Variants in ZNF212 observed in about 807,000 individuals in gnomAD.
ZNF212 encodes Zinc finger protein C2H2-150.
ZNF212 carries 32 observed loss-of-function variants against 47.3 expected under a neutral mutation model. The ratio of observed to expected loss-of-function variants is 0.68; its 90% CI spans 0.51 to 0.91. The LOEUF is 0.91. ZNF212 is among the 40% of genes least tolerant of loss of function. The probability of loss-of-function intolerance (pLI) is 0.00; values close to 1 mark genes in which losing one functional copy is unlikely to be tolerated. For synonymous variants in ZNF212, 242 were observed against 253.8 expected, an observed-to-expected ratio of 0.95 and a Z score of 0.44; for missense variants, 555 against 622.8, an observed-to-expected ratio of 0.89 and a Z score of 1.16.
Position 149,250,708 on chromosome 7 carries a change from G to A in ZNF212, c.442G>A (p.Val148Ile), listed in dbSNP as rs142824604. 4.5e-5 allele frequency: 72 copies of A among 1,614,110 alleles called. No homozygotes were observed. Among genetic ancestry groups the A allele is most frequent in the Non-Finnish European group, 5.3e-5 (62 of 1,180,054 alleles). The change falls in exon 3 of 5, where the codon GTC (valine) becomes ATC (isoleucine). Residue 148 changes from valine (V) to isoleucine (I), a missense_variant. Val to Ile is a conservative substitution (Grantham distance 29). Transcript: ENST00000335870. ...GTCCAGGTCACTGGAGAATGATGGC[G>A]TCTGTTTCACCGAGCAGGAATGGGA... ...KVSRSLENDG[V>I]CFTEQEWENL...
Position 149,252,703 on chromosome 7 carries a change from C to T in ZNF212, c.542-3C>T, listed in dbSNP as rs1370416280. ...GGCTCACACTGTGCTGTTTCCCACC[C>T]AGAGGTCCTTGGCCAGACAGAGGGA... On this transcript the variant is annotated splice_polypyrimidine_tract_variant and splice_region_variant and intron_variant, in intron 3 of 4. Coordinates refer to ENST00000335870, the MANE Select transcript of ZNF212 (RefSeq NM_012256.4). 3 of 1,613,912 alleles carry T rather than the reference C, an allele frequency of 1.9e-6. No individual in the cohort carries two copies. The highest frequency in any genetic ancestry group is 2.7e-5 in the African/African-American group (2 of 74,934).
intron 1 of ZNF212, among the ~76,000 whole-genome samples, chr7:149,249,775 G>A (rs1177402738): frequency 6.6e-6 from 1 of 152,140 alleles, no homozygotes; most frequent in Non-Finnish European, 1.5e-5. Context: ...CTACAGGCAT[G>A]CATCACCATG....
Position 149,254,185 on chromosome 7 carries a change from T to G in ZNF212, c.1258T>G (p.Trp420Gly). 1 of 1,614,252 alleles carries G rather than the reference T, an allele frequency of 6.2e-7. No individual in the cohort carries two copies. The change falls in exon 5 of 5, where the codon TGG (tryptophan) becomes GGG (glycine). Residue 420 changes from tryptophan (W) to glycine (G), a missense_variant. Physicochemically the swap from Trp to Gly is radical, Grantham distance 184. Coordinates refer to ENST00000335870, the MANE Select transcript of ZNF212 (RefSeq NM_012256.4). This position sits in a 1 kb window ranked among gnomAD's most constrained non-coding sequence, Gnocchi z 4.5. ...SLVALPGHIP[W>G]RKSRSSLICG... is the part of the protein sequence containing the mutation. ...GGTTGCCCTGCCTGGCCACATCCCT[T>G]GGAGGAAAAGCCGGAGTTCCCTCAT...
chr7:149,251,037 C>G (rs1426085742), intron 3 of ZNF212, among the ~76,000 whole-genome samples: 2 of 149,766 alleles, frequency 1.3e-5, no homozygotes, highest in East Asian at 3.9e-4. Context: ...AAGCTCGCAG[C>G]ATTGTGCCTT....
intron 4 of ZNF212, 116 bp downstream of exon 4, chr7:149,252,911 G>C: frequency 1.1e-6 from 1 of 946,070 alleles, no homozygotes; most frequent in African/African-American, 1.6e-5. Context: ...GCATCTGCTT[G>C]TTCTGGACTC....
chr7:149,251,247 C>T (rs748632252), intron 3 of ZNF212: 44 of 205,776 alleles, frequency 2.1e-4, no homozygotes, highest in Non-Finnish European at 4.1e-4. Flanking sequence ...TGCAGTGGCA[C>T]AATCTTGGCT....
chr7:149,253,139 T>G (rs894346249), intron 4 of ZNF212, among the ~76,000 whole-genome samples: 2 of 152,042 alleles, frequency 1.3e-5, no homozygotes, highest in Non-Finnish European at 2.9e-5. Flanking sequence ...CAGTAGGTAA[T>G]TTGGGAGGTT....
intron 3 of ZNF212, 76 bp downstream of exon 3, chr7:149,250,883 C>T: frequency 4.4e-6 from 7 of 1,586,308 alleles, no homozygotes; most frequent in Admixed American, 1.7e-5. Context: ...TAATTCAGAC[C>T]ACACCTGTGG....
chr7:149,254,624 C>T lies in ZNF212; in HGVS notation c.*209C>T. ...GGTCTTCATCCTGCTGCCAAGTTTG[C>T]TGTTTCTTGGCACCTTCAGGTCTCT... On this transcript the variant is annotated 3_prime_UTR_variant, in exon 5 of 5. Transcript: ENST00000335870. The surrounding 1 kb of genome is among the most constrained non-coding windows in gnomAD (Gnocchi z 4.5). 2.8e-6 allele frequency: 2 copies of T among 714,890 alleles called. No homozygotes were observed. Among genetic ancestry groups the T allele is most frequent in the Non-Finnish European group, 4.2e-6 (2 of 472,294 alleles). 44.3% of individuals were successfully genotyped at this position (714,890 alleles called of 1,614,324 possible).
chr7:149,253,006 A>G (rs556769365), intron 4 of ZNF212, among the ~76,000 whole-genome samples: 121 of 152,278 alleles, frequency 7.9e-4, no homozygotes, highest in African/African-American at 2.1e-3. Context: ...GGCCACATCA[A>G]TCATTATTCT....
chr7:149,252,970 C>T (rs1796780300), intron 4 of ZNF212, among the ~76,000 whole-genome samples, 175 bp downstream of exon 4: 1 of 152,150 alleles, frequency 6.6e-6, no homozygotes, highest in Admixed American at 6.5e-5. Context: ...CAACTCCTAC[C>T]ACCCTGTGGG....
At chr7:149,251,941 T>TAAAAAAAAAAAAAAAAAAAA (rs36067111) in intron 3 of ZNF212, among the ~76,000 whole-genome samples, 2 of 109,538 alleles carry the variant, frequency 1.8e-5, no homozygotes, top group African/African-American at 7.0e-5. Context: ...CTCTGTTGCT[T>TAAAAAAAAAAAAAAAAAAAA]AAAAAAAAAA....
At chr7:149,239,919 T>C (rs1315106820) in intron 1 of ZNF212, 117 bp downstream of exon 1, 3 of 1,181,574 alleles carry the variant, frequency 2.5e-6, no homozygotes, top group Non-Finnish European at 3.2e-6. Flanking sequence ...GGGGCTGCCG[T>C]TGGCGCGGGT....
intron 1 of ZNF212, among the ~76,000 whole-genome samples, chr7:149,249,405 G>C (rs967441142): frequency 6.6e-6 from 1 of 152,006 alleles, no homozygotes; most frequent in African/African-American, 2.4e-5. Context: ...GCAGGGATGT[G>C]GAAGCAAGAT....
Position 149,254,602 on chromosome 7 carries a change from C to A in ZNF212, c.*187C>A. 1.2e-6 allele frequency: 1 copy of A among 838,730 alleles called. No individual in the cohort carries two copies. The highest frequency in any genetic ancestry group is 1.7e-6 in the Non-Finnish European group (1 of 579,762). The allele number at this position is 838,730 out of a possible 1,614,324, so 52.0% of individuals were successfully genotyped here. On this transcript the variant is annotated 3_prime_UTR_variant, in exon 5 of 5. Transcript: ENST00000335870. This position sits in a 1 kb window ranked among gnomAD's most constrained non-coding sequence, Gnocchi z 4.5. Reference sequence around the variant, plus strand: ...TGTGGAAGAAGAGTCCAGGCCAGGTCTTCATCCTGCTGCCAAGTTTGCTGT... The same window carrying A: ...TGTGGAAGAAGAGTCCAGGCCAGGTATTCATCCTGCTGCCAAGTTTGCTGT...
At chr7:149,251,052 G>GT (rs67720780) in intron 3 of ZNF212, among the ~76,000 whole-genome samples, 5,692 of 124,458 alleles carry the variant, frequency 0.046, 292 homozygotes, top group East Asian at 0.23. Flanking sequence ...TGCCTTTTGT[G>GT]TTTTTTTTTT....
intron 1 of ZNF212, among the ~76,000 whole-genome samples, chr7:149,241,602 C>T (rs1796590137): frequency 2.0e-5 from 3 of 152,136 alleles, no homozygotes; most frequent in Admixed American, 2.0e-4. Context: ...GATGAAACAA[C>T]TGAAAATGCT....
At chr7:149,247,619 G>A (rs1313855580) in intron 1 of ZNF212, among the ~76,000 whole-genome samples, 2 of 152,138 alleles carry the variant, frequency 1.3e-5, no homozygotes, top group Non-Finnish European at 2.9e-5. Context: ...CCTAGGGCTG[G>A]TGTAACAAAC....
At chr7:149,248,637 A>G (rs1796710558) in intron 1 of ZNF212, among the ~76,000 whole-genome samples, 1 of 152,240 alleles carries the variant, frequency 6.6e-6, no homozygotes, top group African/African-American at 2.4e-5. Flanking sequence ...AAAAAGTGCT[A>G]CTGAGCACAG....
Sources: allele counts gnomAD v4.1 joint callset (sites outside exome capture counted in the v4.1 genomes callset), GRCh38; gene constraint gnomAD v4.1.1; non-coding constraint Gnocchi (gnomAD v3.1); transcripts MANE v1.5; gene names NCBI Gene and HGNC (gene_info 2026-07-23, HGNC 2026-07-21).